Variants in NCOR2 observed in about 807,000 individuals in gnomAD.
The protein encoded by NCOR2 is CTG repeat protein 26.
NCOR2 carries 81 observed loss-of-function variants against 262.9 expected under a neutral mutation model. The observed-to-expected ratio is 0.31, with a 90% CI of 0.26 to 0.37. The LOEUF is 0.37. Ranked by LOEUF, NCOR2 falls within the 10% of genes least tolerant of loss-of-function variation. NCOR2 has a pLI of 1.00. For missense variants in NCOR2, 3,385 were observed against 3,621.4 expected (o/e 0.93, Z 1.68); for synonymous variants, 1,659 against 1,559.3 (o/e 1.06, Z -1.51).
intron 15 of NCOR2, among the ~76,000 whole-genome samples, chr12:124,398,555 G>A (rs12321007): frequency 0.27 from 40,344 of 152,206 alleles, 6,544 homozygotes; most frequent in Middle Eastern, 0.38. Flanking sequence ...TGTTGGGAAA[G>A]GGGTCACCTG....
intron 5 of NCOR2, among the ~76,000 whole-genome samples, chr12:124,465,713 T>C (rs898013851): frequency 1.7e-4 from 26 of 152,130 alleles, no homozygotes; most frequent in African/African-American, 6.3e-4. Context: ...TCTCTGGGCC[T>C]TAGGAAAATG....
At chr12:124,412,397 G>C (rs2042631294) in intron 13 of NCOR2, among the ~76,000 whole-genome samples, 1 of 152,238 alleles carries the variant, frequency 6.6e-6, no homozygotes, top group Non-Finnish European at 1.5e-5. Context: ...TTAAGCATTC[G>C]GGTGGCCACA....
chr12:124,509,055 G>C (rs2049222529), intron 1 of NCOR2, among the ~76,000 whole-genome samples: 1 of 152,118 alleles, frequency 6.6e-6, no homozygotes, highest in African/African-American at 2.4e-5. Context: ...GGCCAGGCAG[G>C]GACCCCAACC....
intron 1 of NCOR2, among the ~76,000 whole-genome samples, chr12:124,508,091 C>G (rs1002587755): frequency 6.6e-6 from 1 of 152,222 alleles, no homozygotes; most frequent in African/African-American, 2.4e-5. Flanking sequence ...CAGAGCCCAC[C>G]CACTCAACAA....
chr12:124,431,522 A>G (rs1339712460), intron 8 of NCOR2, among the ~76,000 whole-genome samples: 1 of 151,278 alleles, frequency 6.6e-6, no homozygotes, highest in Non-Finnish European at 1.5e-5. Context: ...ATACAGTCAG[A>G]CAGATATACA....
At chr12:124,371,391 A>G (rs548312717) in intron 20 of NCOR2, among the ~76,000 whole-genome samples, 2 of 152,232 alleles carry the variant, frequency 1.3e-5, no homozygotes, top group Non-Finnish European at 2.9e-5. Context: ...ATGTGACCTT[A>G]TTTGGAAATA....
At position 124,340,003 on chromosome 12, in the gene NCOR2, C is replaced by T; in HGVS notation, c.5687+3G>A. ...CCCCCTCCCCCATGCCAACCTGGCC[C>T]ACCTCAGGACCGTGGGCGTGCTGGG... On this transcript the variant is annotated splice_donor_region_variant and intron_variant, in intron 37 of 46. Coordinates refer to ENST00000405201, the Ensembl canonical transcript of NCOR2. The T allele has an allele frequency of 6.2e-7, 1 of 1,611,542 alleles. No homozygotes were observed. Among genetic ancestry groups the T allele is most frequent in the Non-Finnish European group, 8.5e-7 (1 of 1,179,844 alleles).
chr12:124,486,707 G>T (rs903962580), intron 1 of NCOR2, 139 bp from the exon 4 acceptor site: 2 of 1,102,656 alleles, frequency 1.8e-6, no homozygotes, highest in Admixed American at 6.1e-5. Context: ...GTCCTGCAGG[G>T]AACCTCAGGG....
chr12:124,438,104 TTC>T, intron 7 of NCOR2, 108 bp from the exon 10 acceptor site: 1 of 1,050,250 alleles, frequency 9.5e-7, no homozygotes, highest in Non-Finnish European at 1.4e-6. Flanking sequence ...CCGTTATTGG[TTC>T]TCAGGGAGAT....
intron 8 of NCOR2, among the ~76,000 whole-genome samples, chr12:124,433,902 A>ACACACACACG (rs2044170638): frequency 2.8e-3 from 2 of 704 alleles, no homozygotes; most frequent in Non-Finnish European, 7.8e-3. Context: ...ACACACACGC[A>ACACACACACG]CACACACACA....
chr12:124,396,730 G>A (rs1224320502), intron 16 of NCOR2, among the ~76,000 whole-genome samples: 4 of 152,092 alleles, frequency 2.6e-5, no homozygotes, highest in East Asian at 3.9e-4. Context: ...GCAGGGTCCC[G>A]GGGTGAGGGC....
intron 17 of NCOR2, among the ~76,000 whole-genome samples, chr12:124,385,302 G>A (rs1419555710): frequency 2.0e-5 from 3 of 152,094 alleles, no homozygotes; most frequent in South Asian, 2.1e-4. Flanking sequence ...CCCCAACCAC[G>A]GCAGCCCTAA....
At chr12:124,508,655 C>G (rs563229638) in intron 1 of NCOR2, among the ~76,000 whole-genome samples, 1 of 152,152 alleles carries the variant, frequency 6.6e-6, no homozygotes, top group Non-Finnish European at 1.5e-5. Context: ...GAACAGGGTC[C>G]ACGTGGGGCA....
At chr12:124,398,423 G>A (rs2041812610) in intron 15 of NCOR2, among the ~76,000 whole-genome samples, 1 of 152,236 alleles carries the variant, frequency 6.6e-6, no homozygotes, top group South Asian at 2.1e-4. Flanking sequence ...CCCACGTGCC[G>A]TTGGTCGGGG....
chr12:124,500,334 C>T (rs1419799590), intron 1 of NCOR2, among the ~76,000 whole-genome samples: 1 of 152,186 alleles, frequency 6.6e-6, no homozygotes, highest in African/African-American at 2.4e-5. Flanking sequence ...TGTCCCTGGG[C>T]CATGCCTGCC....
At position 124,358,340 on chromosome 12, in the gene NCOR2, C is replaced by T. The variant is rs557123334; in HGVS notation, c.3101-1558G>A. Among the ~76,000 whole-genome samples, 28 of 147,398 alleles carry T rather than the reference C, an allele frequency of 1.9e-4. 1 individual carries two copies. The South Asian group carries it at 3.2e-3, about 17-fold the overall frequency. On this transcript the variant is annotated intron_variant, in intron 22 of 46. Transcript: ENST00000405201. ...GTGTGAGTGCATGGATGTGTGTGTG[C>T]CTGTACACAATGTTGAAGGAGGTAA... is the stretch of plus-strand genomic sequence containing the variant.
In NCOR2 at chr12:124,348,062, A is replaced by G. The variant is rs1056470820; in HGVS notation, c.3985+112T>C. The G allele has an allele frequency of 3.3e-6, 5 of 1,535,766 alleles. No individual in the cohort carries two copies. The African/African-American group carries it at 6.8e-5, about 21-fold the overall frequency. The stretch of plus-strand genomic sequence containing the variant: ...GGGAAGGTCCCTGCGCTACCTCCAG[A>G]TGGAGCCTCAGAAAGCCCAGCCTCG... On this transcript the variant is annotated intron_variant, in intron 29 of 46. Transcript: ENST00000405201.
intron 1 of NCOR2, among the ~76,000 whole-genome samples, chr12:124,489,107 G>A (rs941313779): frequency 5.3e-5 from 8 of 152,166 alleles, no homozygotes; most frequent in African/African-American, 1.9e-4. Flanking sequence ...GGAGGCTCTA[G>A]GGGAAGGCAA....
intron 22 of NCOR2, 124 bp from the exon 25 acceptor site, chr12:124,356,906 G>T (rs1175859650): frequency 2.4e-6 from 3 of 1,237,880 alleles, no homozygotes; most frequent in Admixed American, 4.2e-5. Context: ...GTGACGGCCT[G>T]GGCTCCTCCG....
Sources: gnomAD v4.1 joint callset for allele counts (sites outside exome capture counted in the v4.1 genomes callset) on GRCh38, gnomAD v4.1.1 for gene constraint, MANE v1.5 for transcripts, NCBI Gene and HGNC (gene_info 2026-07-23, HGNC 2026-07-21) for gene names.